Variants in UTRN observed in about 807,000 individuals in gnomAD.
The protein encoded by UTRN is utrophin.
In UTRN, 283 loss-of-function variants were observed where a neutral mutation model predicts 463.9. That is an observed-to-expected ratio of 0.61 (90% CI 0.55 to 0.67). The LOEUF is 0.67. UTRN is among the 30% of genes least tolerant of loss of function. UTRN has a pLI of 0.00. For synonymous variants in UTRN, 1,442 were observed against 1,431.5 expected, an observed-to-expected ratio of 1.01 and a Z score of -0.17; for missense variants, 3,922 against 4,084.3, an observed-to-expected ratio of 0.96 and a Z score of 1.08.
At chr6:144,668,870 G>A (rs554618987) in intron 51 of UTRN, among the ~76,000 whole-genome samples, 1 of 152,252 alleles carries the variant, frequency 6.6e-6, no homozygotes, top group Non-Finnish European at 1.5e-5. Context: ...CAGAGTAGAA[G>A]GACAATAGAA....
At chr6:144,619,017 A>T (rs1236183618) in intron 51 of UTRN, among the ~76,000 whole-genome samples, 1 of 152,156 alleles carries the variant, frequency 6.6e-6, no homozygotes, top group East Asian at 1.9e-4. Flanking sequence ...AAGCTATTTG[A>T]TCTTTTAAAT....
chr6:144,577,972 G>A (rs969298837), intron 51 of UTRN, among the ~76,000 whole-genome samples: 2 of 152,258 alleles, frequency 1.3e-5, no homozygotes, highest in African/African-American at 4.8e-5. Context: ...GGAGGCCAAG[G>A]TGCGTAGGTC....
At chr6:144,533,045 C>G (rs374728985) in intron 42 of UTRN, 40 bp from the exon 43 acceptor site, 1 of 1,151,688 alleles carries the variant, frequency 8.7e-7, no homozygotes, top group African/African-American at 1.5e-5. Context: ...GAATCATTTA[C>G]TTATTAGTGA....
At chr6:144,844,432 C>T (rs1781852363) in intron 73 of UTRN, among the ~76,000 whole-genome samples, 1 of 152,112 alleles carries the variant, frequency 6.6e-6, no homozygotes, top group South Asian at 2.1e-4. Context: ...CCACGCCCAA[C>T]TAATTTTTGT....
chr6:144,359,849 T>C (rs1778893445), intron 2 of UTRN, among the ~76,000 whole-genome samples: 1 of 152,128 alleles, frequency 6.6e-6, no homozygotes, highest in Non-Finnish European at 1.5e-5. Context: ...GAACATTGAT[T>C]GAGATCCTTT....
intron 51 of UTRN, chr6:144,583,678 C>T (rs1415936478): frequency 2.1e-6 from 1 of 471,762 alleles, no homozygotes; most frequent in Non-Finnish European, 3.9e-6. Flanking sequence ...ACTAATCTTT[C>T]AGGTTCTTAT....
Position 144,493,381 on chromosome 6 carries a change from G to A in UTRN, c.4518G>A (p.Gln1506=), listed in dbSNP as rs1793248039. ...CAGGAAGACATATTGTCCAGAAACA[G>A]CAAACGGACAACCCAAAAGGGATGG... is the stretch of plus-strand genomic sequence containing the variant. ...IKTGRHIVQK[Q]QTDNPKGMDE... The change falls in exon 33 of 75, where the codon CAG becomes CAA. Residue 1506 remains glutamine, a synonymous_variant. Coordinates refer to ENST00000367545, the MANE Select transcript of UTRN (RefSeq NM_007124.3). 6.2e-7 allele frequency: 1 copy of A among 1,614,118 alleles called. No homozygotes were observed. Among genetic ancestry groups the A allele is most frequent in the Non-Finnish European group, 8.5e-7 (1 of 1,179,978 alleles).
intron 69 of UTRN, among the ~76,000 whole-genome samples, chr6:144,832,859 G>A (rs992379793): frequency 1.1e-4 from 17 of 151,764 alleles, no homozygotes; most frequent in Admixed American, 6.6e-4. Context: ...TCACTCTGTC[G>A]CCCAGGCTGG....
At chr6:144,789,384 C>T in intron 62 of UTRN, 105 bp downstream of exon 62, 2 of 1,007,104 alleles carry the variant, frequency 2.0e-6, no homozygotes, top group Non-Finnish European at 2.9e-6. Flanking sequence ...TAATAGTTCT[C>T]TCTCTTTTTT....
chr6:144,683,399 T>C (rs1005916160), intron 52 of UTRN, among the ~76,000 whole-genome samples: 2 of 151,852 alleles, frequency 1.3e-5, no homozygotes, highest in Non-Finnish European at 2.9e-5. Context: ...CAGAGTGTGC[T>C]TAGTGAGAAA....
intron 60 of UTRN, among the ~76,000 whole-genome samples, chr6:144,778,144 G>A (rs1161492180): frequency 6.6e-6 from 1 of 152,176 alleles, no homozygotes. Flanking sequence ...GCAGAGAACA[G>A]AGAATGGGTA....
intron 73 of UTRN, among the ~76,000 whole-genome samples, chr6:144,842,348 G>A (rs1346927532): frequency 1.3e-5 from 2 of 152,138 alleles, no homozygotes; most frequent in East Asian, 3.9e-4. Context: ...GGCAGGCTGA[G>A]GCAGGTGGAT....
intron 2 of UTRN, among the ~76,000 whole-genome samples, chr6:144,396,536 T>C (rs1013039439): frequency 6.6e-6 from 1 of 152,184 alleles, no homozygotes; most frequent in African/African-American, 2.4e-5. Context: ...TGTTATGTAT[T>C]TTACCACAAT....
In UTRN at chr6:144,464,325, C is replaced by G. The variant is rs921832946; in HGVS notation, c.3066+1459C>G. On this transcript the variant is annotated intron_variant, in intron 23 of 74. Transcript: ENST00000367545. The stretch of plus-strand genomic sequence containing the variant: ...CTAATGGGTAGTTCCAATGAATGAT[C>G]AGCAGAAGATACAGATGGAGGGGTT... 2.6e-5 allele frequency among the ~76,000 whole-genome samples: 4 copies of G among 151,960 alleles called. No individual in the cohort carries two copies. In the East Asian group the frequency reaches 7.7e-4, roughly 29 times the overall value.
chr6:144,748,482 G>A lies in UTRN; in HGVS notation c.8176G>A (p.Asp2726Asn). 1 of 1,613,904 alleles carries A rather than the reference G, an allele frequency of 6.2e-7. No individual in the cohort carries two copies. The highest frequency in any genetic ancestry group is 1.7e-4 in the Middle Eastern group (1 of 6,060). The stretch of plus-strand genomic sequence containing the variant: ...GAAGCCCGTGGGAGACTTACTCATT[G>A]ACTCGCTGCAGGATCACATTGAAAA... The part of the protein sequence containing the change: ...GWKPVGDLLI[D>N]SLQDHIEKIM... The change falls in exon 55 of 75, where the codon GAC becomes AAC. Residue 2726 changes from aspartate (D) to asparagine (N), a missense_variant. By Grantham distance (23) the Asp-to-Asn change is conservative. Around this residue, in one of 3 missense-constraint regions of UTRN, gnomAD observed 1,309 missense variants for 1,452.6 expected, o/e 0.90. Transcript: ENST00000367545.
At chr6:144,473,604 A>T in intron 23 of UTRN, 116 bp from the exon 24 acceptor site, 1 of 603,900 alleles carries the variant, frequency 1.7e-6, no homozygotes. Flanking sequence ...AACATAAATG[A>T]AAGCGATGCT....
At chr6:144,735,737 A>G (rs2128717116) in intron 54 of UTRN, among the ~76,000 whole-genome samples, 1 of 151,986 alleles carries the variant, frequency 6.6e-6, no homozygotes, top group South Asian at 2.1e-4. Flanking sequence ...CATCACTAAA[A>G]CGCCACATTA....
At chr6:144,727,264 G>C (rs1418281186) in intron 53 of UTRN, among the ~76,000 whole-genome samples, 2 of 152,092 alleles carry the variant, frequency 1.3e-5, no homozygotes, top group African/African-American at 4.8e-5. Flanking sequence ...TTGCCTATTG[G>C]TGTTTTCTGG....
At chr6:144,610,136 A>G (rs1292708293) in intron 51 of UTRN, among the ~76,000 whole-genome samples, 1 of 150,048 alleles carries the variant, frequency 6.7e-6, no homozygotes, top group Non-Finnish European at 1.5e-5. Flanking sequence ...TTTCAACAAA[A>G]CTAAGAGATT....
Sources: allele counts gnomAD v4.1 joint callset (sites outside exome capture counted in the v4.1 genomes callset), GRCh38; gene constraint gnomAD v4.1.1; regional missense constraint gnomAD v4.1.1; transcripts MANE v1.5; gene names NCBI Gene and HGNC (gene_info 2026-07-23, HGNC 2026-07-21).